PRR14L: variants seen among roughly 807,000 people sequenced by gnomAD.
PRR14L encodes protein PRR14L.
PRR14L carries 80 observed loss-of-function variants against 155.0 expected under a neutral mutation model. That is an observed-to-expected ratio of 0.52 (90% confidence interval 0.43 to 0.62). The LOEUF (loss-of-function observed/expected upper bound fraction) is 0.62, where lower values mean the gene tolerates loss of function less well. Among genes scored for constraint, PRR14L ranks in the 20% least tolerant of loss-of-function variants. The pLI is 0.00. For missense variants in PRR14L, 2,469 were observed against 2,548.0 expected, an observed-to-expected ratio of 0.97 and a Z score of 0.67; for synonymous variants, 883 against 916.0, an observed-to-expected ratio of 0.96 and a Z score of 0.65.
At chr22:31,726,411 G>GATCA (rs2147870184) in intron 2 of PRR14L, among the ~76,000 whole-genome samples, 1 of 151,932 alleles carries the variant, frequency 6.6e-6, no homozygotes, top group Non-Finnish European at 1.5e-5. Context: ...GACTACATGC[G>GATCA]TGATCCACTG....
intron 3 of PRR14L, among the ~76,000 whole-genome samples, chr22:31,718,243 T>C (rs2074670839): frequency 1.4e-5 from 2 of 146,362 alleles, no homozygotes; most frequent in Non-Finnish European, 3.0e-5. Flanking sequence ...AGCTAATTTT[T>C]TGGGGGGGTT....
intron 1 of PRR14L, among the ~76,000 whole-genome samples, chr22:31,749,639 C>A (rs2074861120): frequency 6.6e-6 from 1 of 152,174 alleles, no homozygotes; most frequent in African/African-American, 2.4e-5. Context: ...GGGTCTCCCT[C>A]TGCTGACCAA....
At chr22:31,692,924 G>A (rs900703580) in intron 7 of PRR14L, among the ~76,000 whole-genome samples, 1 of 152,132 alleles carries the variant, frequency 6.6e-6, no homozygotes, top group Non-Finnish European at 1.5e-5. Context: ...ACAGGCGTGA[G>A]CCACCATGCC....
chr22:31,714,778 T>C lies in PRR14L; in HGVS notation c.3061A>G (p.Ser1021Gly), dbSNP rs1266478789. The C allele has an allele frequency of 6.4e-7, 1 of 1,552,360 alleles. No homozygotes were observed. Among genetic ancestry groups the C allele is most frequent in the African/African-American group, 1.4e-5 (1 of 73,186 alleles). The change falls in exon 4 of 9, where the codon AGT (serine) becomes GGT (glycine). Residue 1021 changes from serine to glycine, a missense_variant. Ser to Gly is a moderately conservative substitution (Grantham distance 56). Coordinates refer to ENST00000327423, the MANE Select transcript of PRR14L (RefSeq NM_173566.3). The part of the protein sequence containing the change: ...NQKDLLVSSG[S>G]NNSLPCGSPK... Reference sequence around the variant, plus strand: ...CTACCACAAGGTAGTGAGTTATTACTGCCTGAGCTGACCAGCAGATCCTTT... The same window carrying C: ...CTACCACAAGGTAGTGAGTTATTACCGCCTGAGCTGACCAGCAGATCCTTT...
chr22:31,723,611 G>A (rs2074702081), intron 3 of PRR14L, among the ~76,000 whole-genome samples: 1 of 152,140 alleles, frequency 6.6e-6, no homozygotes, highest in South Asian at 2.1e-4. Flanking sequence ...CTAAGAACAG[G>A]GTGAGATTTA....
chr22:31,738,870 T>C lies in PRR14L; in HGVS notation c.-10A>G, dbSNP rs1373051476. 1.3e-6 allele frequency: 2 copies of C among 1,495,138 alleles called. No homozygotes were observed. The highest frequency in any genetic ancestry group is 2.8e-5 in the African/African-American group (2 of 71,972). 92.6% of individuals were successfully genotyped at this position (1,495,138 alleles called of 1,614,324 possible). On this transcript the variant is annotated 5_prime_UTR_variant, in exon 2 of 9. Coordinates refer to ENST00000327423, the MANE Select transcript of PRR14L (RefSeq NM_173566.3). The stretch of plus-strand genomic sequence containing the variant: ...CTCCAGATGACAGCATTAGGACAGA[T>C]GCAGATTATGGAGTCAAGTCTTTTA...
intron 7 of PRR14L, among the ~76,000 whole-genome samples, chr22:31,701,263 C>T (rs2074561838): frequency 6.6e-6 from 1 of 152,306 alleles, no homozygotes; most frequent in Non-Finnish European, 1.5e-5. Context: ...GCTGGGGTTA[C>T]AGGTGTGAGC....
intron 3 of PRR14L, among the ~76,000 whole-genome samples, chr22:31,718,414 C>A (rs561664433): frequency 1.3e-5 from 2 of 152,182 alleles, no homozygotes; most frequent in East Asian, 3.9e-4. Flanking sequence ...CACCACCACA[C>A]CTGGCTAATT....
rs753532004 is a variant in PRR14L at position 31,714,956 on chromosome 22, T to C, written c.2883A>G (p.Thr961=). ...GGACTTCATCTGCCTTCTGATCGAG[T>C]GTTTCAACTGATTTTACATTTTTAA... is the stretch of plus-strand genomic sequence containing the variant. ...SSFKNVKSVE[T]LDQKADEVLD... is the part of the protein sequence containing the mutation. Residue 961 remains threonine, a synonymous_variant, in exon 4 of 9, where the codon ACA becomes ACG. Coordinates refer to ENST00000327423, the MANE Select transcript of PRR14L (RefSeq NM_173566.3). The C allele has an allele frequency of 3.2e-6, 5 of 1,551,996 alleles. No homozygotes were observed. The highest frequency in any genetic ancestry group is 1.4e-5 in the African/African-American group (1 of 73,064).
chr22:31,745,851 A>T lies in PRR14L; in HGVS notation c.-52+4142T>A, dbSNP rs1399191099. 4.2e-5 allele frequency among the ~76,000 whole-genome samples: 6 copies of T among 142,852 alleles called. No homozygotes were observed. The East Asian group carries it at 6.0e-4, about 14-fold the overall frequency. 93.7% of individuals were successfully genotyped at this position (142,852 alleles called of 152,430 possible). A position where few individuals can be genotyped will look rare whatever the true frequency, so the allele number is the denominator to read the frequency against. ...GAGAGGGAGACTCAGTTTAAAAAAA[A>T]AAAAAAAAAAATATATATATATATA... On this transcript the variant is annotated intron_variant, in intron 1 of 8. Coordinates refer to ENST00000327423, the MANE Select transcript of PRR14L (RefSeq NM_173566.3).
At chr22:31,698,964 C>T (rs758482630) in intron 7 of PRR14L, among the ~76,000 whole-genome samples, 15 of 151,896 alleles carry the variant, frequency 9.9e-5, no homozygotes, top group Non-Finnish European at 1.8e-4. Flanking sequence ...TGTATGCATA[C>T]ACATTTAGTA....
In PRR14L at chr22:31,681,591, C is replaced by T. The variant is rs2074454045; in HGVS notation, c.*3936G>A. The stretch of plus-strand genomic sequence containing the variant: ...AGGCCTCTCACCAAGAATTCAAATC[C>T]AATTCAGCACCAGAGAGGGGCTTGT... On this transcript the variant is annotated 3_prime_UTR_variant, in exon 9 of 9. Transcript: ENST00000327423. 6.6e-6 allele frequency: 1 copy of T among 152,116 alleles called. No individual in the cohort carries two copies. Among genetic ancestry groups the T allele is most frequent in the South Asian group, 2.1e-4 (1 of 4,832 alleles). The allele number at this position is 152,116 out of a possible 1,614,324, so 9.4% of individuals were successfully genotyped here.
At chr22:31,738,340 G>T in intron 2 of PRR14L, 47 bp downstream of exon 2, 1 of 1,412,426 alleles carries the variant, frequency 7.1e-7, no homozygotes, top group Non-Finnish European at 9.7e-7. Context: ...TCCAGAGAAA[G>T]CTGTCATTCA....
chr22:31,732,397 C>CGTGGTTT (rs1356833051), intron 2 of PRR14L, among the ~76,000 whole-genome samples: 1 of 152,188 alleles, frequency 6.6e-6, no homozygotes, highest in Non-Finnish European at 1.5e-5. Flanking sequence ...TACACTATAA[C>CGTGGTTT]GTGGTTTATG....
intron 2 of PRR14L, among the ~76,000 whole-genome samples, chr22:31,727,232 T>C (rs1181314728): frequency 6.7e-6 from 1 of 148,602 alleles, no homozygotes; most frequent in Admixed American, 6.8e-5. Context: ...TTAGCCACAA[T>C]TCTTTTTTTT....
Position 31,735,365 on chromosome 22 carries a change from T to C in PRR14L, c.474+3022A>G, listed in dbSNP as rs796337203. ...CTGAGGCAGGAGAATGGCATGAACC[T>C]GGGAGGTGGAGCTTGCAGTGAACTG... is the stretch of plus-strand genomic sequence containing the variant. On this transcript the variant is annotated intron_variant, in intron 2 of 8. Coordinates refer to ENST00000327423, the MANE Select transcript of PRR14L (RefSeq NM_173566.3). Among the ~76,000 whole-genome samples, 534 of 149,986 alleles carry C rather than the reference T, an allele frequency of 3.6e-3. 4 individuals carry two copies. Among genetic ancestry groups the C allele is most frequent in the African/African-American group, 0.012 (496 of 40,286 alleles).
At position 31,684,374 on chromosome 22, in the gene PRR14L, A is replaced by G. The variant is rs1252395705; in HGVS notation, c.*1153T>C. On this transcript the variant is annotated 3_prime_UTR_variant, in exon 9 of 9. Coordinates refer to ENST00000327423, the MANE Select transcript of PRR14L (RefSeq NM_173566.3). ...AACATGACCCCGACTCTCTCCCCACACTTGAAGCGGGCTGCCTGGAAAGCC... is the reference window on the plus strand; with the variant it reads ...AACATGACCCCGACTCTCTCCCCACGCTTGAAGCGGGCTGCCTGGAAAGCC... 3 of 152,172 alleles carry G rather than the reference A, an allele frequency of 2.0e-5. No homozygotes were observed. The East Asian group carries it at 5.8e-4, about 29-fold the overall frequency. 9.4% of individuals were successfully genotyped at this position (152,172 alleles called of 1,614,324 possible).
Position 31,747,563 on chromosome 22 carries a change from G to A in PRR14L, c.-52+2430C>T, listed in dbSNP as rs1257228307. ...GTTTTTCACATGTTCATCAAAATAA[G>A]CTCAAAGGGTCTTGTCACCCATAAA... On this transcript the variant is annotated intron_variant, in intron 1 of 8. Coordinates refer to ENST00000327423, the MANE Select transcript of PRR14L (RefSeq NM_173566.3). Among the ~76,000 whole-genome samples the A allele has an allele frequency of 2.0e-5, 3 of 150,332 alleles. No individual in the cohort carries two copies. In the East Asian group the frequency reaches 5.9e-4, roughly 29 times the overall value.
chr22:31,733,309 T>G (rs1601514665), intron 2 of PRR14L, among the ~76,000 whole-genome samples: 2 of 141,678 alleles, frequency 1.4e-5, no homozygotes, highest in South Asian at 4.6e-4. Context: ...TTTTTTTTTT[T>G]TTTTTTTTTT....
Sources: gnomAD v4.1 joint callset for allele counts (sites outside exome capture counted in the v4.1 genomes callset) on GRCh38, gnomAD v4.1.1 for gene constraint, MANE v1.5 for transcripts, NCBI Gene and HGNC (gene_info 2026-07-23, HGNC 2026-07-21) for gene names.